The following UGT2A2 variants were observed in gnomAD, a reference collection of about 807,000 sequenced individuals.
UGT2A2 encodes the protein UDP-glucuronosyltransferase 2A2.
UGT2A2 carries 60 observed loss-of-function variants against 50.7 expected under a neutral mutation model. That is an observed-to-expected ratio of 1.18 (90% CI 0.96 to 1.47). The LOEUF is 1.47. UGT2A2 is among the 40% of genes most tolerant of loss of function. UGT2A2 has a pLI of 0.00. For missense variants in UGT2A2, 762 were observed against 634.0 expected, an observed-to-expected ratio of 1.20 and a Z score of -2.17; for synonymous variants, 242 against 214.6, an observed-to-expected ratio of 1.13 and a Z score of -1.11.
chr4:69,614,078 C>T (rs1413579118), intron 1 of UGT2A2, among the ~76,000 whole-genome samples: 1 of 151,542 alleles, frequency 6.6e-6, no homozygotes, highest in Non-Finnish European at 1.5e-5. Context: ...TCTAGAAAAA[C>T]CTAACAACCT....
intron 1 of UGT2A2, among the ~76,000 whole-genome samples, chr4:69,618,310 T>G (rs548169889): frequency 3.3e-5 from 5 of 149,852 alleles, no homozygotes; most frequent in Non-Finnish European, 5.9e-5. Flanking sequence ...AAAATGTTTT[T>G]GGGGCATTAA....
At chr4:69,621,071 T>A (rs1336051722) in intron 1 of UGT2A2, among the ~76,000 whole-genome samples, 1 of 151,896 alleles carries the variant, frequency 6.6e-6, no homozygotes, top group Non-Finnish European at 1.5e-5. Flanking sequence ...TAGTCAATAC[T>A]ATCCTGGACA....
At chr4:69,597,504 A>G (rs1275908782) in intron 2 of UGT2A2, among the ~76,000 whole-genome samples, 2 of 152,178 alleles carry the variant, frequency 1.3e-5, no homozygotes, top group African/African-American at 4.8e-5. Context: ...TGTATCCTGC[A>G]TTCCCTGTGC....
rs148852671 is a variant in UGT2A2 at position 69,599,082 on chromosome 4, A to T, written c.891+164T>A. Among the ~76,000 whole-genome samples the T allele has an allele frequency of 9.6e-3, 1,469 of 152,288 alleles. 8 individuals are homozygous for T. Among genetic ancestry groups the T allele is most frequent in the Non-Finnish European group, 0.015 (1,042 of 68,018 alleles). The stretch of plus-strand genomic sequence containing the variant: ...AAATTGTCAATGTAAAGTTCAAAAC[A>T]CCTAATATCACTTGTAGGAGACCTC... On this transcript the variant is annotated intron_variant, in intron 2 of 5. Coordinates refer to ENST00000604629, the MANE Select transcript of UGT2A2 (RefSeq NM_001105677.2).
At chr4:69,593,902 A>G (rs1718733105) in intron 5 of UGT2A2, among the ~76,000 whole-genome samples, 2 of 151,872 alleles carry the variant, frequency 1.3e-5, no homozygotes, top group South Asian at 4.1e-4. Flanking sequence ...TTATCCAGAA[A>G]AAATGAGAAT....
In UGT2A2 at chr4:69,606,535, C is replaced by A. The variant is rs1172826778; in HGVS notation, c.743-7141G>T. The stretch of plus-strand genomic sequence containing the variant: ...CACAAGACAGGGATGCCCTCTCTCA[C>A]CACTCCTATTCAACATAGTGTTGGA... On this transcript the variant is annotated intron_variant, in intron 1 of 5. Coordinates refer to ENST00000604629, the MANE Select transcript of UGT2A2 (RefSeq NM_001105677.2). Among the ~76,000 whole-genome samples the A allele has an allele frequency of 2.2e-5, 3 of 136,298 alleles. 1 individual carries two copies. Among genetic ancestry groups the A allele is most frequent in the Non-Finnish European group, 4.7e-5 (3 of 64,204 alleles). 89.4% of individuals were successfully genotyped at this position (136,298 alleles called of 152,430 possible).
chr4:69,606,624 G>A (rs1719641005), intron 1 of UGT2A2, among the ~76,000 whole-genome samples: 2 of 136,958 alleles, frequency 1.5e-5, no homozygotes, highest in Non-Finnish European at 3.1e-5. Flanking sequence ...GAAAGAGGAA[G>A]TCAAATTGTC....
At chr4:69,596,533 AT>A (rs576089392) in intron 2 of UGT2A2, 152 bp from the exon 3 acceptor site, 1,830 of 1,174,152 alleles carry the variant, frequency 1.6e-3, no homozygotes, top group South Asian at 2.9e-3. Flanking sequence ...TAGTTTCTAT[AT>A]TTTTTTTTGG....
intron 1 of UGT2A2, among the ~76,000 whole-genome samples, chr4:69,614,671 C>G (rs953386758): frequency 1.3e-5 from 2 of 151,958 alleles, no homozygotes; most frequent in African/African-American, 4.8e-5. Flanking sequence ...ATCTGTACAT[C>G]TACAGTAAAC....
chr4:69,621,153 A>G (rs1299342113), intron 1 of UGT2A2, among the ~76,000 whole-genome samples: 1 of 152,076 alleles, frequency 6.6e-6, no homozygotes, highest in Non-Finnish European at 1.5e-5. Flanking sequence ...GACAAATCAT[A>G]TCTAATTAAA....
At chr4:69,594,340 A>G in intron 5 of UGT2A2, 137 bp downstream of exon 5, 1 of 1,211,704 alleles carries the variant, frequency 8.3e-7, no homozygotes, top group Non-Finnish European at 1.1e-6. Context: ...AGTTTGGCAA[A>G]TAAAATAGTT....
At chr4:69,635,186 T>C (rs1721604738) in intron 1 of UGT2A2, among the ~76,000 whole-genome samples, 1 of 152,020 alleles carries the variant, frequency 6.6e-6, no homozygotes, top group African/African-American at 2.4e-5. Flanking sequence ...AAATATTAAA[T>C]GTCAAAAAAT....
At chr4:69,590,616 CAGG>C (rs2109871952) in intron 5 of UGT2A2, among the ~76,000 whole-genome samples, 1 of 150,644 alleles carries the variant, frequency 6.6e-6, no homozygotes, top group Admixed American at 6.7e-5. Flanking sequence ...GATTCAGCAG[CAGG>C]AGTAGTTTAC....
chr4:69,627,454 A>G (rs1721124836), intron 1 of UGT2A2, among the ~76,000 whole-genome samples: 2 of 129,456 alleles, frequency 1.5e-5, no homozygotes, highest in Admixed American at 1.5e-4. Context: ...TTCCATAGGC[A>G]GACAGGCAAG....
At chr4:69,638,861 G>T in intron 1 of UGT2A2, 38 bp downstream of exon 1, 2 of 1,503,968 alleles carry the variant, frequency 1.3e-6, no homozygotes, top group Non-Finnish European at 8.9e-7. Context: ...ATAAATAAGG[G>T]ATGTGGAGTC....
intron 1 of UGT2A2, among the ~76,000 whole-genome samples, chr4:69,636,993 A>G (rs965875607): frequency 2.6e-5 from 4 of 152,136 alleles, no homozygotes; most frequent in African/African-American, 9.7e-5. Context: ...TAAGGTGTAT[A>G]GATTGTTAAC....
chr4:69,628,249 T>C lies in UGT2A2; in HGVS notation c.742+10650A>G, dbSNP rs943606957. On this transcript the variant is annotated intron_variant, in intron 1 of 5. Transcript: ENST00000604629. ...TCCCACTGGCATTTTTTTAAAGAAATAGAAAAAACAAAACCAAAATTTATA... is the reference window on the plus strand; with the variant it reads ...TCCCACTGGCATTTTTTTAAAGAAACAGAAAAAACAAAACCAAAATTTATA... 2.7e-5 allele frequency among the ~76,000 whole-genome samples: 4 copies of C among 150,314 alleles called. No homozygotes were observed. In the Admixed American group the frequency reaches 2.7e-4, roughly 10 times the overall value.
In UGT2A2 at chr4:69,639,559, G is replaced by A. The variant is rs1578002935; in HGVS notation, c.82C>T (p.Leu28=). The A allele has an allele frequency of 1.9e-6, 3 of 1,612,294 alleles. No individual in the cohort carries two copies. Among genetic ancestry groups the A allele is most frequent in the Non-Finnish European group, 2.5e-6 (3 of 1,179,252 alleles). Residue 28 remains leucine (L), a synonymous_variant, in exon 1 of 6, where the codon CTA becomes TTA. Transcript: ENST00000604629. ...GGCCAAATTAACACATTCCCACTTAGAACAACTTCAGTCAGAGTCAAATTA... is the reference window on the plus strand; with the variant it reads ...GGCCAAATTAACACATTCCCACTTAAAACAACTTCAGTCAGAGTCAAATTA... ...VFNLTLTEVV[L]SGNVLIWPTD... is the part of the protein sequence containing the mutation.
At chr4:69,629,735 G>T (rs1376656986) in intron 1 of UGT2A2, among the ~76,000 whole-genome samples, 6 of 152,066 alleles carry the variant, frequency 3.9e-5, no homozygotes, top group African/African-American at 1.4e-4. Context: ...TCTTTTCTGG[G>T]CTACCCTTCA....
Sources: allele counts gnomAD v4.1 joint callset (sites outside exome capture counted in the v4.1 genomes callset), GRCh38; gene constraint gnomAD v4.1.1; transcripts MANE v1.5; gene names NCBI Gene and HGNC (gene_info 2026-07-23, HGNC 2026-07-21).